Variants in PDE4D observed in about 807,000 individuals in gnomAD.
The protein encoded by PDE4D is phosphodiesterase 4D, also known as 3',5'-cyclic-AMP phosphodiesterase 4D.
PDE4D carries 24 observed loss-of-function variants against 87.4 expected under a neutral mutation model. That is an observed-to-expected ratio of 0.27 (90% CI 0.20 to 0.39). The LOEUF is 0.39. Among genes scored for constraint, PDE4D ranks in the 10% least tolerant of loss-of-function variants. PDE4D has a pLI of 1.00. For synonymous variants in PDE4D, 384 were observed against 383.2 expected, an observed-to-expected ratio of 1.00 and a Z score of -0.02; for missense variants, 714 against 1,041.0, an observed-to-expected ratio of 0.69 and a Z score of 4.32.
intron 1 of PDE4D, among the ~76,000 whole-genome samples, chr5:60,209,110 A>G (rs1396754908): frequency 6.6e-6 from 1 of 151,210 alleles, no homozygotes; most frequent in Non-Finnish European, 1.5e-5. Context: ...GGAAACCTCT[A>G]TGTACAGTCA....
chr5:60,016,010 G>GTT (rs1359598588), intron 2 of PDE4D, among the ~76,000 whole-genome samples: 3 of 146,250 alleles, frequency 2.1e-5, no homozygotes, highest in Non-Finnish European at 4.5e-5. Flanking sequence ...AATAATCTCT[G>GTT]TTCTCTCTCT....
In PDE4D at chr5:59,463,155, T is replaced by C. The variant is rs1262050752; in HGVS notation, c.456-247187A>G. ...GATGAAATGAAATATATGTGTTACA[T>C]AAATTGCTGACTGAGGGAAAAATAT... is the stretch of plus-strand genomic sequence containing the variant. On this transcript the variant is annotated intron_variant, in intron 1 of 14. Coordinates refer to ENST00000340635, the MANE Select transcript of PDE4D (RefSeq NM_001104631.2). Among the ~76,000 whole-genome samples, 4 of 152,316 alleles carry C rather than the reference T, an allele frequency of 2.6e-5. No homozygotes were observed. In the East Asian group the frequency reaches 7.7e-4, roughly 29 times the overall value.
chr5:59,386,711 G>T (rs1245592140), intron 1 of PDE4D, among the ~76,000 whole-genome samples: 1 of 137,414 alleles, frequency 7.3e-6, no homozygotes, highest in Non-Finnish European at 1.6e-5. Context: ...GGGAGGGAGG[G>T]AGGGAAAGAA....
At chr5:59,419,747 C>T (rs529600402) in intron 1 of PDE4D, among the ~76,000 whole-genome samples, 20 of 152,058 alleles carry the variant, frequency 1.3e-4, no homozygotes, top group Non-Finnish European at 2.4e-4. Flanking sequence ...AATTTCTTTT[C>T]AAATTGAATA....
intron 1 of PDE4D, among the ~76,000 whole-genome samples, chr5:60,227,363 T>A (rs1745237359): frequency 6.6e-6 from 1 of 152,068 alleles, no homozygotes; most frequent in Non-Finnish European, 1.5e-5. Context: ...GTGAGAAATA[T>A]TTCATACGAT....
At chr5:59,832,212 C>G (rs1211416490) in intron 1 of PDE4D, among the ~76,000 whole-genome samples, 1 of 152,026 alleles carries the variant, frequency 6.6e-6, no homozygotes, top group African/African-American at 2.4e-5. Flanking sequence ...AATAGAAATT[C>G]CTGAACTTGC....
intron 5 of PDE4D, among the ~76,000 whole-genome samples, chr5:59,080,166 G>T (rs1766481566): frequency 6.6e-6 from 1 of 152,126 alleles, no homozygotes; most frequent in African/African-American, 2.4e-5. Flanking sequence ...CTTTACTCTG[G>T]TCTATTTCCT....
At chr5:59,030,830 C>CT (rs916156604) in intron 6 of PDE4D, among the ~76,000 whole-genome samples, 11 of 151,978 alleles carry the variant, frequency 7.2e-5, no homozygotes, top group East Asian at 1.9e-4. Flanking sequence ...GACTATTTTC[C>CT]TTTTTTTTCT....
At chr5:60,357,433 A>T (rs78719007) in intron 1 of PDE4D, among the ~76,000 whole-genome samples, 18,522 of 152,210 alleles carry the variant, frequency 0.12, 1,440 homozygotes, top group African/African-American at 0.23. Flanking sequence ...TTATGAATAA[A>T]CCATGCCATG....
intron 2 of PDE4D, among the ~76,000 whole-genome samples, chr5:60,161,414 T>G (rs1782465393): frequency 6.6e-6 from 1 of 152,176 alleles, no homozygotes; most frequent in Non-Finnish European, 1.5e-5. Flanking sequence ...ACTGAGAGTT[T>G]AGACTATATA....
intron 1 of PDE4D, among the ~76,000 whole-genome samples, chr5:59,729,975 A>G (rs1561552394): frequency 6.6e-6 from 1 of 152,062 alleles, no homozygotes; most frequent in Non-Finnish European, 1.5e-5. Flanking sequence ...GAGTCCTTAG[A>G]TAACTAGGAC....
intron 3 of PDE4D, among the ~76,000 whole-genome samples, chr5:59,190,031 G>A (rs1341543763): frequency 4.6e-5 from 7 of 152,168 alleles, no homozygotes; most frequent in Admixed American, 6.6e-5. Flanking sequence ...ATCTTTGCAC[G>A]GCTTCCTAAA....
intron 1 of PDE4D, among the ~76,000 whole-genome samples, chr5:60,241,689 C>T (rs1018546758): frequency 2.6e-5 from 4 of 152,006 alleles, no homozygotes; most frequent in African/African-American, 7.2e-5. Context: ...AAAATAGCCT[C>T]AAAAGGGCAG....
intron 5 of PDE4D, among the ~76,000 whole-genome samples, chr5:59,103,299 T>C (rs901036266): frequency 6.6e-6 from 1 of 152,138 alleles, no homozygotes; most frequent in African/African-American, 2.4e-5. Flanking sequence ...AGAACATACC[T>C]AATACTCATT....
At chr5:59,800,869 A>T (rs1336477690) in intron 1 of PDE4D, among the ~76,000 whole-genome samples, 1 of 152,254 alleles carries the variant, frequency 6.6e-6, no homozygotes, top group Non-Finnish European at 1.5e-5. Context: ...TAGAATGTGT[A>T]CAAAAATGCA....
At chr5:60,460,459 A>G in intron 1 of PDE4D, 2 of 1,524,090 alleles carry the variant, frequency 1.3e-6, no homozygotes, top group Non-Finnish European at 1.8e-6. Context: ...TGTTACCCCA[A>G]AATTTGGGAT....
At chr5:59,337,018 T>A (rs932890487) in intron 1 of PDE4D, among the ~76,000 whole-genome samples, 1 of 152,246 alleles carries the variant, frequency 6.6e-6, no homozygotes, top group Non-Finnish European at 1.5e-5. Context: ...TTCATTTTTT[T>A]AAAATTTTAC....
intron 1 of PDE4D, among the ~76,000 whole-genome samples, chr5:59,344,840 A>G (rs1038445182): frequency 6.6e-6 from 1 of 152,178 alleles, no homozygotes; most frequent in Non-Finnish European, 1.5e-5. Flanking sequence ...CAAAGTAGAG[A>G]GCCTTAAGAT....
chr5:59,584,703 A>G (rs77999247), intron 1 of PDE4D, among the ~76,000 whole-genome samples: 192 of 152,340 alleles, frequency 1.3e-3, no homozygotes, highest in African/African-American at 4.4e-3. Flanking sequence ...CCTATGTATT[A>G]CAACATAAAC....
Sources: allele counts gnomAD v4.1 joint callset (sites outside exome capture counted in the v4.1 genomes callset), GRCh38; gene constraint gnomAD v4.1.1; transcripts MANE v1.5; gene names NCBI Gene and HGNC (gene_info 2026-07-23, HGNC 2026-07-21).